The following CYB561A3 variants were observed in gnomAD, a reference collection of about 807,000 sequenced individuals.
CYB561A3 encodes the protein cytochrome b561 family member A3.
In CYB561A3, 16 loss-of-function variants were observed where a neutral mutation model predicts 25.3. The ratio of observed to expected loss-of-function variants is 0.63; its 90% CI spans 0.43 to 0.96. The LOEUF is 0.96. CYB561A3 is among the 40% of genes least tolerant of loss of function. CYB561A3 has a pLI of 0.00. For synonymous variants in CYB561A3, 131 were observed against 129.9 expected, an observed-to-expected ratio of 1.01 and a Z score of -0.06; for missense variants, 219 against 307.5, an observed-to-expected ratio of 0.71 and a Z score of 2.15.
At chr11:61,357,004 G>T in intron 2 of CYB561A3, 1 of 1,467,482 alleles carries the variant, frequency 6.8e-7, no homozygotes, top group Non-Finnish European at 9.0e-7. Context: ...AAGGCCAGAT[G>T]CCAAGGCCCA....
chr11:61,350,318 G>A lies in CYB561A3; in HGVS notation c.*81C>T, dbSNP rs373552140. ...AGAAAGTCGCCTGCTGAAACCAGCCGGGAGCCCTGGGAAGAGCAGAGCTTC... is the reference window on the plus strand; with the variant it reads ...AGAAAGTCGCCTGCTGAAACCAGCCAGGAGCCCTGGGAAGAGCAGAGCTTC... On this transcript the variant is annotated 3_prime_UTR_variant, in exon 7 of 7. Coordinates refer to ENST00000294072, the MANE Select transcript of CYB561A3 (RefSeq NM_153611.6). 3.0e-5 allele frequency: 47 copies of A among 1,548,982 alleles called. No individual in the cohort carries two copies. The highest frequency in any genetic ancestry group is 3.6e-5 in the Non-Finnish European group (41 of 1,141,968).
chr11:61,353,666 A>C (rs1857523244), intron 4 of CYB561A3, 118 bp downstream of exon 4: 2 of 1,120,532 alleles, frequency 1.8e-6, no homozygotes, highest in African/African-American at 3.1e-5. Flanking sequence ...ACAAGATAAC[A>C]ATCTGCAAGT....
chr11:61,352,640 G>A (rs751344433), intron 5 of CYB561A3: 30 of 353,570 alleles, frequency 8.5e-5, no homozygotes, highest in Non-Finnish European at 1.2e-4. Context: ...CAGCCTGGGC[G>A]ACAGAGTGAG....
chr11:61,356,969 C>T, intron 2 of CYB561A3: 1 of 1,459,062 alleles, frequency 6.9e-7, no homozygotes, highest in East Asian at 2.5e-5. Flanking sequence ...GAGCAGCAAA[C>T]TCAAGGCTAT....
intron 2 of CYB561A3, among the ~76,000 whole-genome samples, chr11:61,357,047 C>T (rs1857677186): frequency 6.6e-6 from 1 of 152,202 alleles, no homozygotes; most frequent in Non-Finnish European, 1.5e-5. Flanking sequence ...TCTCCCCTCA[C>T]AGGACCAGAA....
intron 3 of CYB561A3, chr11:61,354,392 C>T (rs761484361): frequency 7.9e-5 from 16 of 203,196 alleles, no homozygotes; most frequent in Admixed American, 5.8e-4. Context: ...GAGGGCTGGG[C>T]ACGGTGACTC....
At chr11:61,351,855 A>G (rs1857425035) in intron 5 of CYB561A3, 1 of 152,182 alleles carries the variant, frequency 6.6e-6, no homozygotes, top group Non-Finnish European at 1.5e-5. Context: ...TTGATGCTGC[A>G]GTGAGCTATG....
intron 4 of CYB561A3, 82 bp downstream of exon 4, chr11:61,353,702 A>C: frequency 7.3e-7 from 1 of 1,375,480 alleles, no homozygotes; most frequent in Non-Finnish European, 1.0e-6. Context: ...GAGCAGAGGA[A>C]TATTTGGTGC....
At chr11:61,353,298 G>A in intron 4 of CYB561A3, 159 bp from the exon 5 acceptor site, 1 of 931,084 alleles carries the variant, frequency 1.1e-6, no homozygotes, top group Non-Finnish European at 1.6e-6. Context: ...CTTCCTCATT[G>A]TGGCCTATTA....
At chr11:61,351,182 A>AT in intron 5 of CYB561A3, 35 bp from the exon 6 acceptor site, 1 of 1,572,594 alleles carries the variant, frequency 6.4e-7, no homozygotes, top group Non-Finnish European at 8.6e-7. Context: ...CCCTCGAGAG[A>AT]TTTTTCCACC....
In CYB561A3 at chr11:61,356,831, C is replaced by A. The variant is rs2290388; in HGVS notation, c.-15-103G>T. 1,063 of 1,496,994 alleles carry A rather than the reference C, an allele frequency of 7.1e-4. 28 individuals are homozygous for A. In the East Asian group the frequency reaches 0.023, roughly 32 times the overall value. The allele number at this position is 1,496,994 out of a possible 1,614,324, so 92.7% of individuals were successfully genotyped here. On this transcript the variant is annotated intron_variant, in intron 2 of 6. Transcript: ENST00000294072. The stretch of plus-strand genomic sequence containing the variant: ...TAGCTCTTGGCCTGTGGGATGGAAT[C>A]TTTTTGCTTCAGTTCCCCTGCATCA...
intron 5 of CYB561A3, 132 bp from the exon 6 acceptor site, chr11:61,351,279 C>T (rs1273302139): frequency 3.6e-6 from 3 of 842,626 alleles, no homozygotes; most frequent in Non-Finnish European, 5.0e-6. Flanking sequence ...ATTTTAACAC[C>T]CTTTCTTTTT....
At chr11:61,353,505 C>T (rs1001596818) in intron 4 of CYB561A3, 27 of 669,898 alleles carry the variant, frequency 4.0e-5, no homozygotes, top group Admixed American at 6.2e-5. Context: ...AAGTGGAAGC[C>T]AGATGGCTGA....
upstream of CYB561A3, chr11:61,362,139 C>G (rs1443754445): frequency 6.6e-6 from 1 of 152,376 alleles, no homozygotes; most frequent in Non-Finnish European, 1.5e-5. Context: ...AACGCGAAGC[C>G]TCCCACTACG....
chr11:61,353,487 A>G (rs1857514471), intron 4 of CYB561A3: 1 of 661,354 alleles, frequency 1.5e-6, no homozygotes, highest in Non-Finnish European at 2.8e-6. Flanking sequence ...CAGAGGTGGG[A>G]GTGGGGAAAG....
At chr11:61,358,136 G>C (rs746141351) in intron 1 of CYB561A3, 1 of 152,260 alleles carries the variant, frequency 6.6e-6, no homozygotes, top group East Asian at 1.9e-4. Flanking sequence ...AGAATTCTTC[G>C]CTGGGCGCGA....
At chr11:61,357,136 A>T in intron 2 of CYB561A3, 1 of 1,527,724 alleles carries the variant, frequency 6.5e-7, no homozygotes, top group East Asian at 2.5e-5. Context: ...GCAAACACCC[A>T]GGCCTTGGGT....
At position 61,361,758 on chromosome 11, in the gene CYB561A3, G is replaced by A. The variant is rs998845615; in HGVS notation, c.-137C>T. On this transcript the variant is annotated 5_prime_UTR_variant, in exon 1 of 7. Coordinates refer to ENST00000294072, the MANE Select transcript of CYB561A3 (RefSeq NM_153611.6). ...CCCTAACCACAGTGGGACGAAGTGA[G>A]GCCGGGATCTCCGGAACCCGCCTCT... The A allele has an allele frequency of 2.6e-5, 4 of 152,292 alleles. No homozygotes were observed. Among genetic ancestry groups the A allele is most frequent in the African/African-American group, 9.6e-5 (4 of 41,484 alleles). The allele number at this position is 152,292 out of a possible 1,614,324, so 9.4% of individuals were successfully genotyped here.
At chr11:61,350,794 G>T in intron 6 of CYB561A3, 197 bp downstream of exon 6, 1 of 710,906 alleles carries the variant, frequency 1.4e-6, no homozygotes, top group Non-Finnish European at 2.2e-6. Context: ...ACAGACTGGG[G>T]AGTCCCAGCA....
Sources: allele counts gnomAD v4.1 joint callset (sites outside exome capture counted in the v4.1 genomes callset), GRCh38; gene constraint gnomAD v4.1.1; transcripts MANE v1.5; gene names NCBI Gene and HGNC (gene_info 2026-07-23, HGNC 2026-07-21).